The following WDHD1 variants were observed in gnomAD, a reference collection of about 807,000 sequenced individuals.
WDHD1 encodes WD repeat and HMG-box DNA-binding protein 1.
In WDHD1, 111 loss-of-function variants were observed where a neutral mutation model predicts 135.4. The ratio of observed to expected loss-of-function variants is 0.82; its 90% CI spans 0.70 to 0.96. The LOEUF (loss-of-function observed/expected upper bound fraction) is 0.96. Ranked by LOEUF, WDHD1 falls within the 40% of genes least tolerant of loss-of-function variation. The pLI, the probability that WDHD1 is intolerant of heterozygous loss-of-function variation, is 0.00. For synonymous variants in WDHD1, 434 were observed against 439.0 expected, an observed-to-expected ratio of 0.99 and a Z score of 0.14; for missense variants, 1,351 against 1,336.3, an observed-to-expected ratio of 1.01 and a Z score of -0.17.
chr14:55,005,176 C>T (rs2042044424), intron 7 of WDHD1: 5 of 540,082 alleles, frequency 9.3e-6, no homozygotes, highest in Non-Finnish European at 1.8e-5. Flanking sequence ...ACATCAATCC[C>T]ACTGAGTGAG....
intron 21 of WDHD1, among the ~76,000 whole-genome samples, chr14:54,959,650 C>G (rs1203037028): frequency 6.6e-6 from 1 of 152,136 alleles, no homozygotes; most frequent in Admixed American, 6.6e-5. Context: ...CAACTGTAGT[C>G]ATAGCTACTC....
rs2041987060 is a variant in WDHD1, at chr14:55,001,947, A to T, written c.693+146T>A. On this transcript the variant is annotated intron_variant, in intron 8 of 25. Coordinates refer to ENST00000360586, the MANE Select transcript of WDHD1 (RefSeq NM_007086.4). Reference sequence around the variant, plus strand: ...TATCCAGTTATTGATCAAATGAAGAAAGGATGAGCTGTTAGAAGATGGACC... The same window carrying T: ...TATCCAGTTATTGATCAAATGAAGATAGGATGAGCTGTTAGAAGATGGACC... The T allele has an allele frequency of 4.9e-6, 3 of 618,258 alleles. No homozygotes were observed. In the Admixed American group the frequency reaches 9.8e-5, roughly 20 times the overall value. 38.3% of individuals were successfully genotyped at this position (618,258 alleles called of 1,614,324 possible). A position where few individuals can be genotyped will look rare whatever the true frequency, so the allele number is the denominator to read the frequency against.
chr14:54,956,620 T>C (rs1465652694), intron 23 of WDHD1, among the ~76,000 whole-genome samples: 1 of 152,092 alleles, frequency 6.6e-6, no homozygotes, highest in Non-Finnish European at 1.5e-5. Context: ...CCAGCCTGGG[T>C]GACAGAGTGA....
In WDHD1 at chr14:54,941,626, C is replaced by T. The variant is rs757683351; in HGVS notation, c.3254G>A (p.Arg1085His). 43 of 1,613,886 alleles carry T rather than the reference C, an allele frequency of 2.7e-5. No individual in the cohort carries two copies. The Admixed American group carries it at 4.7e-4, about 18-fold the overall frequency. Residue 1085 changes from arginine to histidine, a missense_variant, in exon 26 of 26, where the codon CGT becomes CAT. Arg to His is a conservative substitution (Grantham distance 29). Coordinates refer to ENST00000360586, the MANE Select transcript of WDHD1 (RefSeq NM_007086.4). Reference sequence around the variant, plus strand: ...TGTTTCATCACTTTCATCAACCACACGTTTTCGCTTCTTTGCTTCAGTTCC... The same window carrying T: ...TGTTTCATCACTTTCATCAACCACATGTTTTCGCTTCTTTGCTTCAGTTCC... ...SEGTEAKKRK[R>H]VVDESDETEN... is the part of the protein sequence containing the mutation.
chr14:54,945,468 AATAAC>A, intron 24 of WDHD1, among the ~76,000 whole-genome samples: 1 of 152,330 alleles, frequency 6.6e-6, no homozygotes, highest in Non-Finnish European at 1.5e-5. Flanking sequence ...AGAGATGTGA[AATAAC>A]CTATCCCAGG....
At position 54,940,066 on chromosome 14, in the gene WDHD1, A is replaced by G. The variant is rs757492275; in HGVS notation, c.*1424T>C. The G allele has an allele frequency of 1.3e-5, 2 of 152,220 alleles. No homozygotes were observed. The highest frequency in any genetic ancestry group is 6.5e-5 in the Admixed American group (1 of 15,284). 9.4% of individuals were successfully genotyped at this position (152,220 alleles called of 1,614,324 possible). A position where few individuals can be genotyped will look rare whatever the true frequency, so the allele number is the denominator to read the frequency against. On this transcript the variant is annotated 3_prime_UTR_variant, in exon 26 of 26. Coordinates refer to ENST00000360586, the MANE Select transcript of WDHD1 (RefSeq NM_007086.4). ...GCAAGATGAAATAACCAACAGCATCATCATTATCAGAATAGTAACTAACAT... is the reference window on the plus strand; with the variant it reads ...GCAAGATGAAATAACCAACAGCATCGTCATTATCAGAATAGTAACTAACAT...
chr14:55,007,256 A>C, intron 7 of WDHD1, 24 bp downstream of exon 7: 23 of 1,535,356 alleles, frequency 1.5e-5, no homozygotes, highest in African/African-American at 2.8e-5. Flanking sequence ...AAAAGAAAAG[A>C]AAAGAAAAAT....
rs546154596 is a variant in WDHD1 at position 54,940,398 on chromosome 14, G to A, written c.*1092C>T. On this transcript the variant is annotated 3_prime_UTR_variant, in exon 26 of 26. Transcript: ENST00000360586. ...CCTAACTTTAATCATCACCAGATAAGGAATATTCTTGGTTCATTTATGTCT... is the reference window on the plus strand; with the variant it reads ...CCTAACTTTAATCATCACCAGATAAAGAATATTCTTGGTTCATTTATGTCT... 31 of 152,198 alleles carry A rather than the reference G, an allele frequency of 2.0e-4. No individual in the cohort carries two copies. The highest frequency in any genetic ancestry group is 7.5e-4 in the African/African-American group (31 of 41,548). 9.4% of individuals were successfully genotyped at this position (152,198 alleles called of 1,614,324 possible).
At chr14:55,000,753 T>G (rs2140213998) in intron 9 of WDHD1, 109 bp from the exon 10 acceptor site, 1 of 1,069,156 alleles carries the variant, frequency 9.4e-7, no homozygotes, top group South Asian at 3.7e-5. Flanking sequence ...TGACAATAAT[T>G]TATAAATAAT....
At chr14:55,011,788 T>C (rs2042175459) in intron 3 of WDHD1, among the ~76,000 whole-genome samples, 1 of 152,054 alleles carries the variant, frequency 6.6e-6, no homozygotes, top group South Asian at 2.1e-4. Context: ...TGAAAATAGA[T>C]ACCCTACTTT....
At chr14:54,975,851 TA>T (rs1187712599) in intron 16 of WDHD1, among the ~76,000 whole-genome samples, 2 of 152,138 alleles carry the variant, frequency 1.3e-5, no homozygotes, top group Admixed American at 1.3e-4. Context: ...TTTTAAAAAT[TA>T]TTTTTCACAA....
In WDHD1 at chr14:55,010,368, A is replaced by C; in HGVS notation, c.282T>G (p.Thr94=). 6.2e-7 allele frequency: 1 copy of C among 1,613,562 alleles called. No individual in the cohort carries two copies. The highest frequency in any genetic ancestry group is 8.5e-7 in the Non-Finnish European group (1 of 1,179,784). ...GVPDGILTRF[T]TNANHVVFNG... ...TAAAGACCACATGGTTTGCATTTGT[A>C]GTGAAGCGAGTCAATATACCATCTG... is the stretch of plus-strand genomic sequence containing the variant. Residue 94 remains threonine, a synonymous_variant, in exon 4 of 26, where the codon ACT becomes ACG. Transcript: ENST00000360586.
intron 8 of WDHD1, among the ~76,000 whole-genome samples, chr14:55,001,464 T>C (rs1043951893): frequency 1.3e-5 from 2 of 152,198 alleles, no homozygotes; most frequent in Middle Eastern, 6.8e-3. Flanking sequence ...AGTCTTCTTT[T>C]GTTGCCCAAG....
At chr14:54,994,962 G>T (rs560024549) in intron 11 of WDHD1, among the ~76,000 whole-genome samples, 113 of 152,062 alleles carry the variant, frequency 7.4e-4, no homozygotes, top group African/African-American at 2.6e-3. Flanking sequence ...AACCACGATA[G>T]ATATTTATTA....
At chr14:54,960,403 C>T (rs192923696) in intron 21 of WDHD1, among the ~76,000 whole-genome samples, 47 of 152,134 alleles carry the variant, frequency 3.1e-4, no homozygotes, top group Non-Finnish European at 5.6e-4. Context: ...CTCCTGACCT[C>T]GTGATCCACC....
At chr14:55,008,797 CTT>C (rs371293649) in intron 4 of WDHD1, 78 bp from the exon 5 acceptor site, 4,997 of 733,244 alleles carry the variant, frequency 6.8e-3, no homozygotes, top group Middle Eastern at 0.01. Context: ...CCAAATATTT[CTT>C]TTTTTTTTTT....
At chr14:54,956,001 G>A (rs1434950612) in intron 23 of WDHD1, among the ~76,000 whole-genome samples, 1 of 149,976 alleles carries the variant, frequency 6.7e-6, no homozygotes, top group African/African-American at 2.5e-5. Context: ...GAGTTCAAGT[G>A]GTTCTCCTGA....
At chr14:54,984,217 G>A (rs1030095478) in intron 15 of WDHD1, among the ~76,000 whole-genome samples, 20 of 152,278 alleles carry the variant, frequency 1.3e-4, no homozygotes, top group East Asian at 7.7e-4. Context: ...GCTCTTAGCC[G>A]GGTGCAGTGG....
intron 2 of WDHD1, among the ~76,000 whole-genome samples, chr14:55,020,050 C>T (rs2042320232): frequency 6.6e-6 from 1 of 152,196 alleles, no homozygotes. Flanking sequence ...GACTCTTAAT[C>T]ATTGAGTCTC....
Sources: allele counts gnomAD v4.1 joint callset (sites outside exome capture counted in the v4.1 genomes callset), GRCh38; gene constraint gnomAD v4.1.1; transcripts MANE v1.5; gene names NCBI Gene and HGNC (gene_info 2026-07-23, HGNC 2026-07-21).